The following PARD3 variants were observed in gnomAD, a reference collection of about 807,000 sequenced individuals.
The protein encoded by PARD3 is partitioning defective 3 homolog.
A neutral mutation model predicts 155.4 loss-of-function variants in PARD3; 75 were observed. The observed-to-expected ratio is 0.48, with a 90% CI of 0.40 to 0.58. The LOEUF is 0.58. Ranked by LOEUF, PARD3 falls within the 20% of genes least tolerant of loss-of-function variation. The probability of loss-of-function intolerance (pLI) is 0.00; values close to 1 mark genes in which losing one functional copy is unlikely to be tolerated. For synonymous variants in PARD3, 576 were observed against 610.5 expected, an observed-to-expected ratio of 0.94 and a Z score of 0.83; for missense variants, 1,642 against 1,721.7, an observed-to-expected ratio of 0.95 and a Z score of 0.82.
intron 1 of PARD3, among the ~76,000 whole-genome samples, chr10:34,753,877 C>T (rs1836368504): frequency 6.6e-6 from 1 of 152,094 alleles, no homozygotes; most frequent in African/African-American, 2.4e-5. Flanking sequence ...GAACACACAA[C>T]CTTAAAACAA....
At chr10:34,359,898 G>A (rs573732980) in intron 13 of PARD3, among the ~76,000 whole-genome samples, 173 bp downstream of exon 13, 2 of 152,266 alleles carry the variant, frequency 1.3e-5, no homozygotes, top group Non-Finnish European at 2.9e-5. Flanking sequence ...TTGAAGTTAT[G>A]GACTCCATCC....
rs1295676962 is a variant in PARD3, at chr10:34,377,967, C to G, written c.1539G>C (p.Glu513Asp). 1 of 1,542,156 alleles carries G rather than the reference C, an allele frequency of 6.5e-7. No homozygotes were observed. The highest frequency in any genetic ancestry group is 2.5e-5 in the East Asian group (1 of 39,876). Reference sequence around the variant, plus strand: ...ACATCCTGCTGGGGAAGTCACTTACCTCTATAAGTCTGTCTCCTGCCTTAA... The same window carrying G: ...ACATCCTGCTGGGGAAGTCACTTACGTCTATAAGTCTGTCTCCTGCCTTAA... ...GRLKAGDRLIEVNGVDLVGKS... is the reference protein window; with the variant it reads ...GRLKAGDRLIDVNGVDLVGKS... The change falls in exon 10 of 25, where the codon GAG becomes GAC. Residue 513 changes from glutamate (E) to aspartate (D), a missense_variant and splice_region_variant. Around this residue, in one of 3 missense-constraint regions of PARD3, gnomAD observed 1,529 missense variants for 1,587.3 expected, o/e 0.96. Transcript: ENST00000374788.
At chr10:34,166,011 G>A (rs551863756) in intron 22 of PARD3, among the ~76,000 whole-genome samples, 4 of 152,022 alleles carry the variant, frequency 2.6e-5, no homozygotes, top group Non-Finnish European at 5.9e-5. Context: ...TAATGCTATC[G>A]CTATTCTGTT....
intron 22 of PARD3, among the ~76,000 whole-genome samples, chr10:34,159,880 A>G (rs1379486615): frequency 6.6e-6 from 1 of 152,198 alleles, no homozygotes; most frequent in Non-Finnish European, 1.5e-5. Flanking sequence ...CAGAGTGCAT[A>G]CTTTTCATCC....
chr10:34,382,674 G>A lies in PARD3; in HGVS notation c.1265C>T (p.Pro422Leu), dbSNP rs2132002223. 3 of 1,614,184 alleles carry A rather than the reference G, an allele frequency of 1.9e-6. No homozygotes were observed. In the South Asian group the frequency reaches 3.3e-5, roughly 18 times the overall value. The change falls in exon 9 of 25, where the codon CCT becomes CTT. Residue 422 changes from proline to leucine, a missense_variant. Physicochemically the swap from Pro to Leu is moderately conservative, Grantham distance 98. Transcript: ENST00000374788. ...TTTTCCCGAGGGGTGTGCGCTATGA[G>A]GTAGTCTTGAGTGAGAGTCTATCTG... Reference protein sequence around the residue: ...PEQIDSHSRLPHSAHPSGKPP... With the variant: ...PEQIDSHSRLLHSAHPSGKPP...
chr10:34,473,612 G>A (rs564502326), intron 3 of PARD3, among the ~76,000 whole-genome samples: 5 of 152,140 alleles, frequency 3.3e-5, no homozygotes, highest in South Asian at 4.1e-4. Context: ...CAGAGGCAGG[G>A]CTTGGACACC....
intron 2 of PARD3, among the ~76,000 whole-genome samples, chr10:34,522,032 A>G (rs1335823099): frequency 1.3e-5 from 2 of 152,212 alleles, no homozygotes; most frequent in Non-Finnish European, 2.9e-5. Context: ...AAAGTTATCC[A>G]TGTCCAAACT....
chr10:34,292,380 G>T (rs1436548624), intron 20 of PARD3, among the ~76,000 whole-genome samples: 2 of 152,326 alleles, frequency 1.3e-5, no homozygotes, highest in East Asian at 1.9e-4. Flanking sequence ...GTACTGATTT[G>T]CTCAGCAGTA....
chr10:34,728,770 C>T (rs2094764000), intron 1 of PARD3, among the ~76,000 whole-genome samples: 1 of 152,088 alleles, frequency 6.6e-6, no homozygotes, highest in African/African-American at 2.4e-5. Flanking sequence ...TCAGGAGGTA[C>T]ATTAGTTTTT....
chr10:34,300,204 T>G (rs557571913), intron 20 of PARD3, among the ~76,000 whole-genome samples: 32 of 152,310 alleles, frequency 2.1e-4, no homozygotes, highest in Admixed American at 2.0e-4. Context: ...ATTACAATTT[T>G]TTTGGAAGTC....
chr10:34,518,032 C>T (rs1182981513), intron 2 of PARD3, among the ~76,000 whole-genome samples: 2 of 152,120 alleles, frequency 1.3e-5, no homozygotes, highest in African/African-American at 2.4e-5. Flanking sequence ...GCGTATGCCA[C>T]CACACCCAGA....
intron 1 of PARD3, among the ~76,000 whole-genome samples, chr10:34,714,372 C>CA (rs2094488230): frequency 1.3e-5 from 2 of 152,186 alleles, no homozygotes; most frequent in South Asian, 2.1e-4. Flanking sequence ...GAAGGCCTTG[C>CA]ACCTACCTCT....
At chr10:34,740,462 T>C (rs1344260592) in intron 1 of PARD3, among the ~76,000 whole-genome samples, 1 of 152,176 alleles carries the variant, frequency 6.6e-6, no homozygotes, top group Non-Finnish European at 1.5e-5. Context: ...ACAAGACAAC[T>C]TCCTTGACAA....
At chr10:34,773,520 T>A (rs749913257) in intron 1 of PARD3, among the ~76,000 whole-genome samples, 14 of 152,236 alleles carry the variant, frequency 9.2e-5, no homozygotes, top group Non-Finnish European at 1.6e-4. Flanking sequence ...TTTGTAGATC[T>A]TGATAATCAT....
intron 22 of PARD3, among the ~76,000 whole-genome samples, chr10:34,195,798 G>C (rs1950907203): frequency 6.6e-6 from 1 of 152,210 alleles, no homozygotes; most frequent in African/African-American, 2.4e-5. Context: ...GCACAGGACA[G>C]AGTGTATCAC....
intron 2 of PARD3, among the ~76,000 whole-genome samples, chr10:34,542,826 C>A (rs2083744746): frequency 6.6e-6 from 1 of 152,178 alleles, no homozygotes; most frequent in Non-Finnish European, 1.5e-5. Context: ...ATTTATACAT[C>A]ACTTACCAGA....
At chr10:34,282,303 T>C (rs1191340963) in intron 21 of PARD3, among the ~76,000 whole-genome samples, 2 of 152,174 alleles carry the variant, frequency 1.3e-5, no homozygotes, top group East Asian at 3.8e-4. Flanking sequence ...CCCTGAAAGA[T>C]TTTTATTTTA....
intron 1 of PARD3, among the ~76,000 whole-genome samples, chr10:34,771,959 A>T (rs1041806050): frequency 2.6e-5 from 4 of 152,306 alleles, no homozygotes; most frequent in African/African-American, 9.6e-5. Flanking sequence ...AGGGGTAAAA[A>T]GTCATTTGTG....
intron 1 of PARD3, among the ~76,000 whole-genome samples, chr10:34,707,725 T>A (rs936129044): frequency 1.3e-5 from 2 of 152,226 alleles, no homozygotes; most frequent in Non-Finnish European, 2.9e-5. Context: ...TTGTCTCCTA[T>A]AAGCATACAG....
Sources: allele counts gnomAD v4.1 joint callset (sites outside exome capture counted in the v4.1 genomes callset), GRCh38; gene constraint gnomAD v4.1.1; regional missense constraint gnomAD v4.1.1; transcripts MANE v1.5; gene names NCBI Gene and HGNC (gene_info 2026-07-23, HGNC 2026-07-21).